Variants in COL20A1 observed in about 807,000 individuals in gnomAD.
The protein encoded by COL20A1 is collagen type XX alpha 1 chain.
Under a neutral mutation model 152.9 loss-of-function variants are expected in COL20A1, and 164 were observed. The ratio of observed to expected loss-of-function variants is 1.07; its 90% confidence interval spans 0.94 to 1.22. COL20A1 has a LOEUF of 1.22. Among genes scored for constraint, COL20A1 ranks in the 50% most tolerant of loss-of-function variants. The probability of loss-of-function intolerance (pLI) is 0.00; values close to 1 mark genes in which losing one functional copy is unlikely to be tolerated. For synonymous variants in COL20A1, 864 were observed against 756.0 expected (o/e 1.14, Z -2.34); for missense variants, 1,873 against 1,744.8 (o/e 1.07, Z -1.31).
At chr20:63,323,183 T>A (rs1045257556) in intron 27 of COL20A1, among the ~76,000 whole-genome samples, 1 of 152,290 alleles carries the variant, frequency 6.6e-6, no homozygotes, top group Admixed American at 6.5e-5. Flanking sequence ...TTGCTGGAGA[T>A]GTCCTCTGAC....
intron 6 of COL20A1, 83 bp from the exon 7 acceptor site, chr20:63,307,888 G>A: frequency 6.6e-7 from 1 of 1,522,660 alleles, no homozygotes; most frequent in Non-Finnish European, 9.0e-7. Flanking sequence ...GGCACGTGCA[G>A]CTCTCAGGTG....
chr20:63,299,844 CGTGT>C (rs143733049), intron 3 of COL20A1, among the ~76,000 whole-genome samples: 1 of 150,414 alleles, frequency 6.6e-6, no homozygotes, highest in Non-Finnish European at 1.5e-5. Flanking sequence ...TGTATATATA[CGTGT>C]GTGTGTATAC....
At chr20:63,312,769 G>A (rs907518655) in intron 15 of COL20A1, 23 bp from the exon 16 acceptor site, 39 of 1,529,862 alleles carry the variant, frequency 2.5e-5, no homozygotes, top group Non-Finnish European at 3.4e-5. Context: ...TACACCCCCA[G>A]CCTGTGTCTC....
Position 63,322,092 on chromosome 20 carries a change from A to T in COL20A1, c.3275A>T (p.Gln1092Leu). 1 of 1,499,722 alleles carries T rather than the reference A, an allele frequency of 6.7e-7. No homozygotes were observed. The highest frequency in any genetic ancestry group is 8.9e-7 in the Non-Finnish European group (1 of 1,128,896). 92.9% of individuals were successfully genotyped at this position (1,499,722 alleles called of 1,614,324 possible). A position where few individuals can be genotyped will look rare whatever the true frequency, so the allele number is the denominator to read the frequency against. The change falls in exon 27 of 36, where the codon CAG becomes CTG. Residue 1092 changes from glutamine to leucine, a missense_variant. Transcript: ENST00000358894. ...GGGAGGAATGGCACCCCAGGAGAGC[A>T]GGGCTTCCCAGGGCCCAGGGTAAGT... ...LPGRNGTPGE[Q>L]GFPGPRGPPG...
At chr20:63,323,011 T>C (rs1199408107) in intron 27 of COL20A1, among the ~76,000 whole-genome samples, 6 of 152,218 alleles carry the variant, frequency 3.9e-5, no homozygotes, top group Non-Finnish European at 8.8e-5. Flanking sequence ...GTCCCCACAC[T>C]GGCCCGGCAG....
In COL20A1 at chr20:63,334,612, CAG is replaced by C. The variant is rs1280036488; in HGVS notation, c.*3897_*3898del. The C allele has an allele frequency of 2.0e-5, 3 of 152,270 alleles. No individual in the cohort carries two copies. The highest frequency in any genetic ancestry group is 3.9e-4 in the East Asian group (2 of 5,182). 9.4% of individuals were successfully genotyped at this position (152,270 alleles called of 1,614,324 possible). A position where few individuals can be genotyped will look rare whatever the true frequency, so the allele number is the denominator to read the frequency against. ...TTTTTTGTATTTTTTTAAATAGAGA[CAG>C]GGTGTTGCCGTGTTACCCAGGCTGG... is the stretch of plus-strand genomic sequence containing the variant. On this transcript the variant is annotated 3_prime_UTR_variant, in exon 36 of 36. Coordinates refer to ENST00000358894, the MANE Select transcript of COL20A1 (RefSeq NM_020882.4).
chr20:63,312,455 G>A lies in COL20A1; in HGVS notation c.1839G>A (p.Leu613=), dbSNP rs746959175. ...EAPGNATSAT[L]GPLSSSTTYT... Reference sequence around the variant, plus strand: ...CTGGGAACGCCACCTCGGCCACGCTGGGGCCTCTCTCTTCCTCCACCACCT... The same window carrying A: ...CTGGGAACGCCACCTCGGCCACGCTAGGGCCTCTCTCTTCCTCCACCACCT... The change falls in exon 15 of 36, where the codon CTG becomes CTA. Residue 613 remains leucine (L), a synonymous_variant. Coordinates refer to ENST00000358894, the MANE Select transcript of COL20A1 (RefSeq NM_020882.4). 5.0e-6 allele frequency: 8 copies of A among 1,606,382 alleles called. No homozygotes were observed. The East Asian group carries it at 6.7e-5, about 13-fold the overall frequency.
In COL20A1 at chr20:63,334,710, C is replaced by A. The variant is rs1601452707; in HGVS notation, c.*3994C>A. ...AAGTGGTGGGATTACAGGTGTGAGTCACCTCACCGGCCCTTAAACACAGTT... is the reference window on the plus strand; with the variant it reads ...AAGTGGTGGGATTACAGGTGTGAGTAACCTCACCGGCCCTTAAACACAGTT... On this transcript the variant is annotated 3_prime_UTR_variant, in exon 36 of 36. Coordinates refer to ENST00000358894, the MANE Select transcript of COL20A1 (RefSeq NM_020882.4). 1.3e-5 allele frequency: 2 copies of A among 152,240 alleles called. No homozygotes were observed. The highest frequency in any genetic ancestry group is 2.9e-5 in the Non-Finnish European group (2 of 68,050). The allele number at this position is 152,240 out of a possible 1,614,324, so 9.4% of individuals were successfully genotyped here. A position where few individuals can be genotyped will look rare whatever the true frequency, so the allele number is the denominator to read the frequency against.
chr20:63,334,409 C>T lies in COL20A1; in HGVS notation c.*3693C>T, dbSNP rs2068369085. The T allele has an allele frequency of 6.6e-6, 1 of 152,156 alleles. No individual in the cohort carries two copies. Among genetic ancestry groups the T allele is most frequent in the South Asian group, 2.1e-4 (1 of 4,818 alleles). 9.4% of individuals were successfully genotyped at this position (152,156 alleles called of 1,614,324 possible). ...GCAATTTATAGCTGTAAATACAGTG[C>T]TTTGTTTTGTTTTCTTGTTTTTTGA... On this transcript the variant is annotated 3_prime_UTR_variant, in exon 36 of 36. Transcript: ENST00000358894.
intron 27 of COL20A1, chr20:63,325,198 G>T: frequency 1.5e-6 from 1 of 668,328 alleles, no homozygotes; most frequent in Non-Finnish European, 2.7e-6. Flanking sequence ...GGCTGGCTGT[G>T]ACCCAGAGGG....
chr20:63,313,161 A>C lies in COL20A1; in HGVS notation c.2121A>C (p.Leu707=). 6.2e-7 allele frequency: 1 copy of C among 1,612,200 alleles called. No homozygotes were observed. Among genetic ancestry groups the C allele is most frequent in the South Asian group, 1.1e-5 (1 of 90,970 alleles). The part of the protein sequence containing the change: ...GNLGTAVLPG[L]GRHTEYDVTI... ...TCGGCACGGCCGTCCTGCCTGGCCT[A>C]GGGAGGCACACAGAGTACGACGTCA... The change falls in exon 17 of 36, where the codon CTA becomes CTC. Residue 707 remains leucine (L), a synonymous_variant. Coordinates refer to ENST00000358894, the MANE Select transcript of COL20A1 (RefSeq NM_020882.4). This position sits in a 1 kb window ranked among gnomAD's most constrained non-coding sequence, Gnocchi z 5.9.
chr20:63,320,260 C>T lies in COL20A1; in HGVS notation c.3076-31C>T, dbSNP rs1601433102. 2.5e-6 allele frequency: 4 copies of T among 1,606,802 alleles called. No homozygotes were observed. In the East Asian group the frequency reaches 8.9e-5, roughly 36 times the overall value. On this transcript the variant is annotated intron_variant, in intron 24 of 35. Transcript: ENST00000358894. ...TGGGGGCTGGCAGCCTCTCTGAGCC[C>T]CGGGGCTGAGCCGGCTCCCCTGCGT... is the stretch of plus-strand genomic sequence containing the variant.
Position 63,313,277 on chromosome 20 carries a change from T to G in COL20A1, c.2209+28T>G. 6.3e-7 allele frequency: 1 copy of G among 1,593,990 alleles called. No homozygotes were observed. The highest frequency in any genetic ancestry group is 1.1e-5 in the South Asian group (1 of 88,430). ...AGGTGCCCCTCCACTTCCCCTCTGC[T>G]GGGTGTGGGGCAGGGATGGCCCAGG... On this transcript the variant is annotated intron_variant, in intron 17 of 35. Coordinates refer to ENST00000358894, the MANE Select transcript of COL20A1 (RefSeq NM_020882.4). This position sits in a 1 kb window ranked among gnomAD's most constrained non-coding sequence, Gnocchi z 5.9.
chr20:63,309,732 G>A (rs1025064451), intron 9 of COL20A1, 26 bp from the exon 10 acceptor site: 1 of 1,529,268 alleles, frequency 6.5e-7, no homozygotes, highest in Middle Eastern at 2.2e-4. Flanking sequence ...GTGACCACCT[G>A]CCCCCCACTC....
In COL20A1 at chr20:63,305,543, C is replaced by T. The variant is rs371961933; in HGVS notation, c.320C>T (p.Ala107Val). ...ACTGGCTCTGGGCGCTTCCTGCTAG[C>T]TCGGAGGGAGTTTGTGAGTAAGTCC... ...ELTGSGRFLLARREFVIEDLK... is the reference protein window; with the variant it reads ...ELTGSGRFLLVRREFVIEDLK... The change falls in exon 4 of 36, where the codon GCT (alanine) becomes GTT (valine). Residue 107 changes from alanine (A) to valine (V), a missense_variant. Physicochemically the swap from Ala to Val is moderately conservative, Grantham distance 64 (BLOSUM62 0). Coordinates refer to ENST00000358894, the MANE Select transcript of COL20A1 (RefSeq NM_020882.4). This position sits in a 1 kb window ranked among gnomAD's most constrained non-coding sequence, Gnocchi z 4.9. The T allele has an allele frequency of 3.7e-6, 6 of 1,600,878 alleles. No individual in the cohort carries two copies. The Admixed American group carries it at 1.0e-4, about 28-fold the overall frequency.
intron 19 of COL20A1, 33 bp from the exon 20 acceptor site, chr20:63,315,371 C>G (rs867657998): frequency 6.4e-7 from 1 of 1,559,388 alleles, no homozygotes; most frequent in South Asian, 1.2e-5. Flanking sequence ...CTGGGCCGCT[C>G]CCACTCACAC....
At chr20:63,309,182 G>C in intron 8 of COL20A1, 151 bp from the exon 9 acceptor site, 1 of 530,966 alleles carries the variant, frequency 1.9e-6, no homozygotes, top group Non-Finnish European at 3.1e-6. Flanking sequence ...CCCCTCGGGA[G>C]CGCCTGGCCC....
chr20:63,312,587 G>A (rs1441293058), intron 15 of COL20A1, 38 bp downstream of exon 15: 1 of 1,538,974 alleles, frequency 6.5e-7, no homozygotes, highest in South Asian at 1.2e-5. Context: ...GTCCAGCAGG[G>A]TTTCTGTGTC....
At position 63,327,582 on chromosome 20, in the gene COL20A1, G is replaced by A. The variant is rs1475162346; in HGVS notation, c.3529-370G>A. 12 of 249,580 alleles carry A rather than the reference G, an allele frequency of 4.8e-5. 1 individual carries two copies. The highest frequency in any genetic ancestry group is 8.6e-5 in the Non-Finnish European group (11 of 127,780). 15.5% of individuals were successfully genotyped at this position (249,580 alleles called of 1,614,324 possible). On this transcript the variant is annotated intron_variant, in intron 31 of 35. Transcript: ENST00000358894. ...GCTGGGGAGGTGGAAGAAGACAGAA[G>A]ACGGCAGGGAAGTGCCAGCACAGGC...
Sources: allele counts gnomAD v4.1 joint callset (sites outside exome capture counted in the v4.1 genomes callset), GRCh38; gene constraint gnomAD v4.1.1; non-coding constraint Gnocchi (gnomAD v3.1); transcripts MANE v1.5; gene names NCBI Gene and HGNC (gene_info 2026-07-23, HGNC 2026-07-21).